The following PRTG variants were observed in gnomAD, a reference collection of about 807,000 sequenced individuals.
PRTG encodes protogenin, also known as immunoglobulin superfamily, DCC subclass, member 5.
Under a neutral mutation model 122.5 loss-of-function variants are expected in PRTG, and 67 were observed. That is an observed-to-expected ratio of 0.55 (90% confidence interval 0.45 to 0.67). The LOEUF is 0.67. Among genes scored for constraint, PRTG ranks in the 30% least tolerant of loss-of-function variants. The pLI, the probability that PRTG is intolerant of heterozygous loss-of-function variation, is 0.00. For synonymous variants in PRTG, 554 were observed against 501.1 expected (o/e 1.11, Z -1.41); for missense variants, 1,435 against 1,415.4 (o/e 1.01, Z -0.22).
intron 2 of PRTG, among the ~76,000 whole-genome samples, chr15:55,698,588 GCCC>G (rs1364300798): frequency 2.6e-5 from 4 of 152,176 alleles, no homozygotes; most frequent in Admixed American, 1.3e-4. Flanking sequence ...GCCACGCTCA[GCCC>G]CATTCATTAC....
chr15:55,635,776 ATCT>A (rs1440454207), intron 15 of PRTG, among the ~76,000 whole-genome samples: 6 of 152,202 alleles, frequency 3.9e-5, no homozygotes, highest in African/African-American at 1.2e-4. Context: ...TTTTAAATTT[ATCT>A]TCTTAATTGG....
chr15:55,718,964 C>T (rs535699791), intron 2 of PRTG, among the ~76,000 whole-genome samples: 70 of 152,130 alleles, frequency 4.6e-4, no homozygotes, highest in East Asian at 7.7e-4. Flanking sequence ...AGACTGGTTT[C>T]AAACTCCTGA....
intron 2 of PRTG, chr15:55,702,803 AACAC>A (rs372278027): frequency 2.1e-4 from 93 of 447,690 alleles, no homozygotes; most frequent in East Asian, 4.6e-4. Flanking sequence ...CACATGTGCA[AACAC>A]ACACACACAC....
chr15:55,664,623 A>G (rs2059428498), intron 11 of PRTG, among the ~76,000 whole-genome samples: 1 of 152,020 alleles, frequency 6.6e-6, no homozygotes, highest in Non-Finnish European at 1.5e-5. Context: ...CACAGGCCCT[A>G]CTTCACCATG....
chr15:55,639,917 T>C, intron 12 of PRTG, 89 bp from the exon 13 acceptor site: 2 of 1,514,940 alleles, frequency 1.3e-6, no homozygotes, highest in Non-Finnish European at 1.8e-6. Flanking sequence ...TATCCCACCC[T>C]ATAAGTTGAT....
chr15:55,650,695 T>TGAG (rs2059348742), intron 11 of PRTG, among the ~76,000 whole-genome samples: 1 of 152,122 alleles, frequency 6.6e-6, no homozygotes, highest in African/African-American at 2.4e-5. Flanking sequence ...CTGAGCTTGG[T>TGAG]GGCTCATGCT....
chr15:55,706,758 C>T (rs892268031), intron 2 of PRTG, among the ~76,000 whole-genome samples: 2 of 151,916 alleles, frequency 1.3e-5, no homozygotes, highest in Admixed American at 6.6e-5. Flanking sequence ...AGAGTGAAAA[C>T]CTTGTCTCTT....
intron 2 of PRTG, among the ~76,000 whole-genome samples, chr15:55,711,322 T>C (rs2030378841): frequency 6.6e-6 from 1 of 152,114 alleles, no homozygotes; most frequent in Non-Finnish European, 1.5e-5. Context: ...TACCACAGCT[T>C]ACAAATATGT....
chr15:55,671,152 T>G (rs1185777862), intron 11 of PRTG, among the ~76,000 whole-genome samples: 1 of 152,164 alleles, frequency 6.6e-6, no homozygotes, highest in Non-Finnish European at 1.5e-5. Context: ...CACCACTGCT[T>G]CTTACTGTGC....
chr15:55,634,870 A>G (rs138340575), intron 15 of PRTG, among the ~76,000 whole-genome samples: 1 of 152,200 alleles, frequency 6.6e-6, no homozygotes, highest in African/African-American at 2.4e-5. Context: ...GGTAGACTGT[A>G]ATACTGAGGG....
Position 55,742,917 on chromosome 15 carries a change from C to T in PRTG, c.15G>A (p.Leu5=). 2.6e-6 allele frequency: 4 copies of T among 1,525,802 alleles called. No homozygotes were observed. The highest frequency in any genetic ancestry group is 1.2e-5 in the South Asian group (1 of 82,696). 94.5% of individuals were successfully genotyped at this position (1,525,802 alleles called of 1,614,324 possible). A position where few individuals can be genotyped will look rare whatever the true frequency, so the allele number is the denominator to read the frequency against. Residue 5 remains leucine (L), a synonymous_variant, in exon 1 of 20, where the codon CTG becomes CTA. Coordinates refer to ENST00000389286, the MANE Select transcript of PRTG (RefSeq NM_173814.6). ...GCGGTCGCAGCCGGGCGAGGGGTCG[C>T]AGAGGAGGCGCCATTCAGCGTAGCC... is the stretch of plus-strand genomic sequence containing the variant. MAPP[L]RPLARLRPPG... is the part of the protein sequence containing the mutation.
At chr15:55,730,093 T>C (rs2031177696) in intron 2 of PRTG, among the ~76,000 whole-genome samples, 1 of 152,208 alleles carries the variant, frequency 6.6e-6, no homozygotes, top group South Asian at 2.1e-4. Flanking sequence ...GGAATGTCTT[T>C]AATTTCAGCG....
At position 55,713,733 on chromosome 15, in the gene PRTG, A is replaced by ATT. The variant is rs35418409; in HGVS notation, c.397+26647_397+26648dup. On this transcript the variant is annotated intron_variant, in intron 2 of 19. Transcript: ENST00000389286. ...TATGTTTTCCCTACTTTGAATTGCT[A>ATT]TTTTTTTACTAGGATGTTTGCTTCT... is the stretch of plus-strand genomic sequence containing the variant. 1.4e-3 allele frequency among the ~76,000 whole-genome samples: 214 copies of ATT among 151,710 alleles called. 1 individual carries two copies. The highest frequency in any genetic ancestry group is 1.9e-3 in the Non-Finnish European group (132 of 67,922).
chr15:55,716,824 A>G (rs1354224064), intron 2 of PRTG, among the ~76,000 whole-genome samples: 2 of 152,240 alleles, frequency 1.3e-5, no homozygotes, highest in Non-Finnish European at 2.9e-5. Context: ...AAAACTATGT[A>G]TCACACATAC....
At chr15:55,738,762 G>A in intron 2 of PRTG, 1 of 244,546 alleles carries the variant, frequency 4.1e-6, no homozygotes, top group Non-Finnish European at 7.8e-6. Context: ...GGAGGGAAGA[G>A]ACAGGAAGAA....
chr15:55,670,342 C>A (rs1435055868), intron 11 of PRTG, among the ~76,000 whole-genome samples: 1 of 152,050 alleles, frequency 6.6e-6, no homozygotes, highest in Non-Finnish European at 1.5e-5. Flanking sequence ...TCTATATATT[C>A]ATATTTTAAC....
chr15:55,738,053 A>ACACACACAC (rs2031488284), intron 2 of PRTG, among the ~76,000 whole-genome samples: 1 of 83,542 alleles, frequency 1.2e-5, no homozygotes, highest in African/African-American at 3.8e-5. Flanking sequence ...CACACACACC[A>ACACACACAC]CACACACTCT....
At chr15:55,720,900 G>C (rs2030795657) in intron 2 of PRTG, among the ~76,000 whole-genome samples, 1 of 152,114 alleles carries the variant, frequency 6.6e-6, no homozygotes, top group Non-Finnish European at 1.5e-5. Context: ...GGACAAGCTT[G>C]CTTTAGGTCA....
chr15:55,707,023 C>T (rs1188376783), intron 2 of PRTG, among the ~76,000 whole-genome samples: 1 of 152,174 alleles, frequency 6.6e-6, no homozygotes, highest in East Asian at 1.9e-4. Context: ...ATGGACTTTA[C>T]TTTAAAATTT....
Sources: allele counts gnomAD v4.1 joint callset (sites outside exome capture counted in the v4.1 genomes callset), GRCh38; gene constraint gnomAD v4.1.1; transcripts MANE v1.5; gene names NCBI Gene and HGNC (gene_info 2026-07-23, HGNC 2026-07-21).